CMIP: variants seen among roughly 807,000 people sequenced by gnomAD.
The protein encoded by CMIP is c-Maf inducing protein, also known as C-Maf-inducing protein.
In CMIP, 13 loss-of-function variants were observed where a neutral mutation model predicts 97.3. The ratio of observed to expected loss-of-function variants is 0.13; its 90% CI spans 0.09 to 0.21. The LOEUF is 0.21. Among genes scored for constraint, CMIP ranks in the 10% least tolerant of loss-of-function variants. The pLI is 1.00. For synonymous variants in CMIP, 538 were observed against 436.3 expected, an observed-to-expected ratio of 1.23 and a Z score of -2.91; for missense variants, 847 against 1,024.9, an observed-to-expected ratio of 0.83 and a Z score of 2.37.
chr16:81,522,549 A>G (rs1453897572), intron 1 of CMIP, among the ~76,000 whole-genome samples: 1 of 152,246 alleles, frequency 6.6e-6, no homozygotes, highest in African/African-American at 2.4e-5. Context: ...AAAAAGAATA[A>G]ACACACAATT....
intron 1 of CMIP, among the ~76,000 whole-genome samples, chr16:81,542,739 C>T (rs2090471579): frequency 6.6e-6 from 1 of 152,102 alleles, no homozygotes; most frequent in Non-Finnish European, 1.5e-5. Context: ...GGCCTCTCTT[C>T]TTATGAGGAC....
At chr16:81,677,256 G>T (rs1904365521) in intron 9 of CMIP, among the ~76,000 whole-genome samples, 1 of 152,162 alleles carries the variant, frequency 6.6e-6, no homozygotes, top group South Asian at 2.1e-4. Context: ...GAGGATCCTG[G>T]GCTTTGGGGT....
At chr16:81,617,186 A>G (rs1022530377) in intron 2 of CMIP, 3 of 152,256 alleles carry the variant, frequency 2.0e-5, no homozygotes, top group African/African-American at 7.2e-5. Flanking sequence ...GCCAAGAGCC[A>G]GTAGGCCCTG....
chr16:81,505,326 G>C (rs1391311453), intron 1 of CMIP, among the ~76,000 whole-genome samples: 2 of 152,226 alleles, frequency 1.3e-5, no homozygotes, highest in African/African-American at 4.8e-5. Flanking sequence ...AACTGGGCCT[G>C]TGTGGAGGCC....
intron 1 of CMIP, among the ~76,000 whole-genome samples, chr16:81,561,060 T>C (rs2090873114): frequency 6.6e-6 from 1 of 152,202 alleles, no homozygotes; most frequent in Admixed American, 6.5e-5. Flanking sequence ...GTTCAAGCAA[T>C]TCTCATGCCT....
chr16:81,602,179 T>G (rs191430046), intron 1 of CMIP, among the ~76,000 whole-genome samples: 1 of 152,312 alleles, frequency 6.6e-6, no homozygotes, highest in Non-Finnish European at 1.5e-5. Flanking sequence ...GCGGAATATT[T>G]TATAGCTGCT....
At chr16:81,477,387 C>T (rs1907992125) in intron 1 of CMIP, among the ~76,000 whole-genome samples, 1 of 152,212 alleles carries the variant, frequency 6.6e-6, no homozygotes. Flanking sequence ...TCTCGAACTC[C>T]TGGCCTCAGT....
intron 10 of CMIP, among the ~76,000 whole-genome samples, chr16:81,685,283 G>A (rs557032718): frequency 6.6e-6 from 1 of 152,320 alleles, no homozygotes; most frequent in Non-Finnish European, 1.5e-5. Flanking sequence ...GAGACCGAGA[G>A]GAGGAGGCTT....
chr16:81,485,406 A>T (rs912052345), intron 1 of CMIP, among the ~76,000 whole-genome samples: 2 of 152,218 alleles, frequency 1.3e-5, no homozygotes, highest in Non-Finnish European at 2.9e-5. Flanking sequence ...TAATTGTGGA[A>T]AGCTGATAAT....
intron 1 of CMIP, among the ~76,000 whole-genome samples, chr16:81,448,019 T>C (rs1381289957): frequency 6.6e-6 from 1 of 152,240 alleles, no homozygotes; most frequent in East Asian, 1.9e-4. Context: ...AAGCACTCTA[T>C]TGAGAAATAT....
intron 10 of CMIP, among the ~76,000 whole-genome samples, chr16:81,680,128 A>G (rs1176294266): frequency 1.3e-5 from 2 of 152,202 alleles, no homozygotes; most frequent in Non-Finnish European, 2.9e-5. Context: ...GTCTAGAGCC[A>G]GGGCTCCCGG....
chr16:81,522,828 C>T (rs2150809319), intron 1 of CMIP, among the ~76,000 whole-genome samples: 1 of 152,222 alleles, frequency 6.6e-6, no homozygotes, highest in Admixed American at 6.5e-5. Context: ...CCTCCAGGTA[C>T]CCCCTTATTG....
chr16:81,568,648 A>G (rs2091027788), intron 1 of CMIP, among the ~76,000 whole-genome samples: 1 of 152,232 alleles, frequency 6.6e-6, no homozygotes, highest in South Asian at 2.1e-4. Flanking sequence ...CAACCCAGTA[A>G]GTAGGAATCA....
chr16:81,705,191 G>A (rs1399505244), intron 18 of CMIP, among the ~76,000 whole-genome samples: 3 of 152,232 alleles, frequency 2.0e-5, no homozygotes, highest in Non-Finnish European at 2.9e-5. Context: ...GCAGGAGAAA[G>A]CCACCTAGGC....
At position 81,445,611 on chromosome 16, in the gene CMIP, C is replaced by G. The variant is rs1905781892; in HGVS notation, c.300+70C>G. The stretch of plus-strand genomic sequence containing the variant: ...CGAGATGCGCCCTCCCTGGCTGCCC[C>G]CTGGCGCTGCACCTGGAGCCCAGGG... On this transcript the variant is annotated intron_variant, in intron 1 of 20. Coordinates refer to ENST00000537098, the MANE Select transcript of CMIP (RefSeq NM_198390.3). 8.8e-6 allele frequency: 13 copies of G among 1,475,674 alleles called. No homozygotes were observed. The Middle Eastern group carries it at 7.2e-4, about 82-fold the overall frequency. The allele number at this position is 1,475,674 out of a possible 1,614,324, so 91.4% of individuals were successfully genotyped here. A position where few individuals can be genotyped will look rare whatever the true frequency, so the allele number is the denominator to read the frequency against.
chr16:81,644,644 G>C (rs935699561), intron 3 of CMIP, among the ~76,000 whole-genome samples: 5 of 152,212 alleles, frequency 3.3e-5, no homozygotes, highest in Admixed American at 3.3e-4. Flanking sequence ...GGAAGCCATG[G>C]CTTGCTGGAG....
At chr16:81,676,747 C>T (rs551730476) in intron 9 of CMIP, among the ~76,000 whole-genome samples, 1 of 152,208 alleles carries the variant, frequency 6.6e-6, no homozygotes, top group Admixed American at 6.5e-5. Context: ...CAGACCCTTG[C>T]TGTGCATGGG....
intron 19 of CMIP, among the ~76,000 whole-genome samples, chr16:81,706,705 G>A (rs1473900622): frequency 6.6e-6 from 1 of 152,218 alleles, no homozygotes; most frequent in Non-Finnish European, 1.5e-5. Flanking sequence ...CTGATCTGGG[G>A]TGTGGCAGGC....
At chr16:81,463,416 A>G (rs1335847970) in intron 1 of CMIP, among the ~76,000 whole-genome samples, 3 of 152,232 alleles carry the variant, frequency 2.0e-5, no homozygotes, top group African/African-American at 7.2e-5. Flanking sequence ...CTAAAGCCAA[A>G]AAAAGGAGTT....
Sources: allele counts gnomAD v4.1 joint callset (sites outside exome capture counted in the v4.1 genomes callset), GRCh38; gene constraint gnomAD v4.1.1; transcripts MANE v1.5; gene names NCBI Gene and HGNC (gene_info 2026-07-23, HGNC 2026-07-21).